The following KALRN variants were observed in gnomAD, a reference collection of about 807,000 sequenced individuals.
KALRN encodes the protein kalirin.
A neutral mutation model predicts 353.7 loss-of-function variants in KALRN; 70 were observed. That is an observed-to-expected ratio of 0.20 (90% CI 0.16 to 0.24). The LOEUF (loss-of-function observed/expected upper bound fraction) is 0.24, where lower values mean the gene tolerates loss of function less well. Among genes scored for constraint, KALRN ranks in the 10% least tolerant of loss-of-function variants. The pLI, the probability that KALRN is intolerant of heterozygous loss-of-function variation, is 1.00. For synonymous variants in KALRN, 1,391 were observed against 1,434.8 expected, an observed-to-expected ratio of 0.97 and a Z score of 0.69; for missense variants, 2,791 against 3,756.7, an observed-to-expected ratio of 0.74 and a Z score of 6.72.
chr3:124,441,915 A>G, intron 18 of KALRN, 30 bp from the exon 19 acceptor site: 1 of 1,405,602 alleles, frequency 7.1e-7, no homozygotes, highest in Non-Finnish European at 9.8e-7. Flanking sequence ...ACCTGCTGGG[A>G]CAGGGGCCTC....
intron 13 of KALRN, 33 bp from the exon 14 acceptor site, chr3:124,413,437 G>A (rs2150266101): frequency 6.3e-7 from 1 of 1,587,470 alleles, no homozygotes; most frequent in East Asian, 2.2e-5. Context: ...TGGACCTGGT[G>A]AGCCTGTGCT....
At chr3:124,042,480 C>G (rs1577482728) in intron 1 of KALRN, among the ~76,000 whole-genome samples, 1 of 151,990 alleles carries the variant, frequency 6.6e-6, no homozygotes, top group African/African-American at 2.4e-5. Flanking sequence ...CTGTGATAGG[C>G]TAGGAGAGTC....
intron 3 of KALRN, among the ~76,000 whole-genome samples, chr3:124,244,223 C>A (rs1385880933): frequency 6.6e-6 from 1 of 151,984 alleles, no homozygotes; most frequent in Non-Finnish European, 1.5e-5. Context: ...AACATATTTC[C>A]TTCCTATCTT....
At chr3:124,537,490 C>A (rs534387715) in intron 33 of KALRN, among the ~76,000 whole-genome samples, 15 of 152,258 alleles carry the variant, frequency 9.9e-5, no homozygotes, top group African/African-American at 3.4e-4. Context: ...TTACTGGGAA[C>A]TGCTGGTGGT....
chr3:124,263,231 G>T (rs2073107785), intron 3 of KALRN, among the ~76,000 whole-genome samples: 1 of 152,160 alleles, frequency 6.6e-6, no homozygotes, highest in Admixed American at 6.5e-5. Flanking sequence ...ATCTTGCCTT[G>T]ATTTCAAGAG....
rs2061512827 is a variant in KALRN, at chr3:124,477,225, A to T, written c.4102-20A>T. ...AACAACTAATGAATGCTTATCTATT[A>T]TTATCTTTGTTCTTTTTAGGCAGAC... On this transcript the variant is annotated intron_variant, in intron 26 of 59. Coordinates refer to ENST00000682506, the MANE Select transcript of KALRN (RefSeq NM_001388419.1). The T allele has an allele frequency of 6.4e-7, 1 of 1,552,260 alleles. No individual in the cohort carries two copies. Among genetic ancestry groups the T allele is most frequent in the Non-Finnish European group, 8.9e-7 (1 of 1,123,964 alleles).
At chr3:124,532,869 T>C (rs1327229616) in intron 33 of KALRN, among the ~76,000 whole-genome samples, 1 of 151,772 alleles carries the variant, frequency 6.6e-6, no homozygotes, top group East Asian at 1.9e-4. Flanking sequence ...AACTGATTTC[T>C]ACATTTCCTT....
intron 34 of KALRN, among the ~76,000 whole-genome samples, chr3:124,624,292 C>T (rs1482464357): frequency 1.3e-5 from 2 of 152,172 alleles, no homozygotes; most frequent in South Asian, 2.1e-4. Context: ...TGATGGCTCC[C>T]AAAGCGCAAG....
At chr3:124,473,836 A>T (rs2061180520) in intron 25 of KALRN, among the ~76,000 whole-genome samples, 1 of 152,244 alleles carries the variant, frequency 6.6e-6, no homozygotes, top group South Asian at 2.1e-4. Flanking sequence ...CCTTGTAAAG[A>T]TCGTAGCATT....
At chr3:124,164,871 G>T (rs981195155) in intron 1 of KALRN, among the ~76,000 whole-genome samples, 1 of 152,164 alleles carries the variant, frequency 6.6e-6, no homozygotes, top group Non-Finnish European at 1.5e-5. Flanking sequence ...TGTGGAGAGA[G>T]CTCTACCTTT....
chr3:124,371,330 T>A (rs1321963736), intron 10 of KALRN, among the ~76,000 whole-genome samples: 2 of 152,184 alleles, frequency 1.3e-5, no homozygotes, highest in East Asian at 3.9e-4. Context: ...GGCACGAAGG[T>A]TGAGTTCATA....
intron 33 of KALRN, among the ~76,000 whole-genome samples, chr3:124,545,267 C>T (rs1270780424): frequency 6.6e-6 from 1 of 152,168 alleles, no homozygotes; most frequent in Non-Finnish European, 1.5e-5. Flanking sequence ...GTAAAACCCT[C>T]TAAATATTGA....
rs755915545 is a variant in KALRN, at chr3:124,491,397, A to G, written c.4662A>G (p.Pro1554=). 1.1e-4 allele frequency: 170 copies of G among 1,609,156 alleles called. No homozygotes were observed. The highest frequency in any genetic ancestry group is 1.1e-4 in the Non-Finnish European group (135 of 1,177,458). ...CKFALWSGRT[P]SSDNKTVLKA... is the part of the protein sequence containing the mutation. ...TCGCCTTGTGGTCTGGGCGCACCCC[A>G]TCCTCAGACAATAAAACAGTGCTGA... Residue 1554 remains proline, a synonymous_variant, in exon 31 of 60, where the codon CCA becomes CCG. Coordinates refer to ENST00000682506, the MANE Select transcript of KALRN (RefSeq NM_001388419.1).
rs200295956 is a variant in KALRN, at chr3:124,482,821, G to A, written c.4205G>A (p.Arg1402Gln). Reference sequence around the variant, plus strand: ...TCATCCCTGCAGGAGATACAACAGCGGCATGGTCTGGCCAACTCCATCTCT... The same window carrying A: ...TCATCCCTGCAGGAGATACAACAGCAGCATGGTCTGGCCAACTCCATCTCT... Reference protein sequence around the residue: ...AGTFFDEIQQRHGLANSISSY... With the variant: ...AGTFFDEIQQQHGLANSISSY... The change falls in exon 28 of 60, where the codon CGG (arginine) becomes CAG (glutamine). Residue 1402 changes from arginine (R) to glutamine (Q), a missense_variant. Physicochemically the swap from Arg to Gln is conservative, Grantham distance 43 (BLOSUM62 1). Coordinates refer to ENST00000682506, the MANE Select transcript of KALRN (RefSeq NM_001388419.1). 2.2e-5 allele frequency: 36 copies of A among 1,611,780 alleles called. No individual in the cohort carries two copies. The highest frequency in any genetic ancestry group is 1.7e-4 in the Middle Eastern group (1 of 6,058).
chr3:124,151,567 T>A (rs1297778450), intron 1 of KALRN, among the ~76,000 whole-genome samples: 2 of 152,220 alleles, frequency 1.3e-5, no homozygotes, highest in African/African-American at 4.8e-5. Flanking sequence ...TATTGAGTTG[T>A]AAGAGTTCTT....
chr3:124,196,933 G>A (rs2075495630), intron 1 of KALRN, among the ~76,000 whole-genome samples: 1 of 152,146 alleles, frequency 6.6e-6, no homozygotes, highest in Non-Finnish European at 1.5e-5. Context: ...ATGAGGAAAT[G>A]GAGGCTTAAA....
At chr3:124,356,057 A>G (rs2083368715) in intron 10 of KALRN, among the ~76,000 whole-genome samples, 1 of 151,976 alleles carries the variant, frequency 6.6e-6, no homozygotes, top group Admixed American at 6.6e-5. Context: ...CAAGCCACCA[A>G]GAACAGCTTC....
chr3:124,358,320 C>A (rs1424979787), intron 10 of KALRN, among the ~76,000 whole-genome samples: 7 of 152,210 alleles, frequency 4.6e-5, no homozygotes, highest in Non-Finnish European at 1.0e-4. Flanking sequence ...ATTATCATCA[C>A]ACTGAGCCTG....
chr3:124,335,854 G>A (rs1272747145), intron 9 of KALRN, among the ~76,000 whole-genome samples: 1 of 152,102 alleles, frequency 6.6e-6, no homozygotes, highest in East Asian at 1.9e-4. Context: ...TTTATCTACT[G>A]TATTATATAA....
Sources: allele counts gnomAD v4.1 joint callset (sites outside exome capture counted in the v4.1 genomes callset), GRCh38; gene constraint gnomAD v4.1.1; transcripts MANE v1.5; gene names NCBI Gene and HGNC (gene_info 2026-07-23, HGNC 2026-07-21).